USH2A: variants seen among roughly 807,000 people sequenced by gnomAD.
USH2A encodes Usher syndrome 2A (autosomal recessive, mild).
In USH2A, 443 loss-of-function variants were observed where a neutral mutation model predicts 538.9. The ratio of observed to expected loss-of-function variants is 0.82; its 90% CI spans 0.76 to 0.89. The LOEUF is 0.89. USH2A is among the 40% of genes least tolerant of loss of function. USH2A has a pLI of 0.00. For synonymous variants in USH2A, 2,413 were observed against 2,273.5 expected, an observed-to-expected ratio of 1.06 and a Z score of -1.75; for missense variants, 6,633 against 6,324.8, an observed-to-expected ratio of 1.05 and a Z score of -1.65.
At chr1:216,405,838 A>G (rs2039387339) in intron 3 of USH2A, among the ~76,000 whole-genome samples, 1 of 152,234 alleles carries the variant, frequency 6.6e-6, no homozygotes, top group Non-Finnish European at 1.5e-5. Flanking sequence ...GTGGAATGCT[A>G]TGCTGCAATA....
intron 35 of USH2A, among the ~76,000 whole-genome samples, chr1:215,989,597 G>A (rs538817895): frequency 2.0e-4 from 30 of 152,230 alleles, no homozygotes; most frequent in African/African-American, 6.7e-4. Context: ...CTCCTGAAGC[G>A]ATCTGGGTGA....
intron 35 of USH2A, among the ~76,000 whole-genome samples, chr1:215,971,915 G>C (rs554977629): frequency 6.6e-6 from 1 of 152,244 alleles, no homozygotes; most frequent in South Asian, 2.1e-4. Context: ...GATGAGGGAG[G>C]TGAGAGCACC....
At chr1:216,203,336 A>G (rs557591706) in intron 16 of USH2A, among the ~76,000 whole-genome samples, 1 of 152,132 alleles carries the variant, frequency 6.6e-6, no homozygotes, top group East Asian at 1.9e-4. Context: ...AATTTATGTT[A>G]GGCAGAGTAA....
chr1:216,224,153 TG>T (rs772750412), intron 14 of USH2A, among the ~76,000 whole-genome samples: 3 of 152,094 alleles, frequency 2.0e-5, no homozygotes, highest in Non-Finnish European at 4.4e-5. Context: ...AAGAAACTTT[TG>T]GGGGTTGTGA....
At position 216,385,198 on chromosome 1, in the gene USH2A, C is replaced by T. The variant is rs2038986249; in HGVS notation, c.652-20113G>A. Among the ~76,000 whole-genome samples, 3 of 152,048 alleles carry T rather than the reference C, an allele frequency of 2.0e-5. No homozygotes were observed. In the South Asian group the frequency reaches 6.2e-4, roughly 31 times the overall value. ...GTAAAAGAAAAAGAAGAAAGCAATC[C>T]CTACATCTCTACTTGCTCCCAGCAA... On this transcript the variant is annotated intron_variant, in intron 3 of 71. Transcript: ENST00000307340.
At chr1:216,076,995 T>C (rs1224233175) in intron 27 of USH2A, among the ~76,000 whole-genome samples, 1 of 152,170 alleles carries the variant, frequency 6.6e-6, no homozygotes, top group Non-Finnish European at 1.5e-5. Flanking sequence ...GTTGACTTTA[T>C]AACAGGCTGC....
intron 32 of USH2A, among the ~76,000 whole-genome samples, chr1:216,040,024 CTCTT>C (rs2030195453): frequency 6.7e-6 from 1 of 148,878 alleles, no homozygotes; most frequent in African/African-American, 2.5e-5. Context: ...TTTCTACCCT[CTCTT>C]TATTTTTCTG....
At chr1:215,993,235 G>C in intron 34 of USH2A, 68 bp from the exon 35 acceptor site, 2 of 1,611,488 alleles carry the variant, frequency 1.2e-6, no homozygotes, top group East Asian at 4.5e-5. Context: ...ATTGAGGAAA[G>C]AGAATTCATA....
At chr1:215,961,073 G>A (rs1356192678) in intron 37 of USH2A, among the ~76,000 whole-genome samples, 1 of 151,948 alleles carries the variant, frequency 6.6e-6, no homozygotes, top group Admixed American at 6.6e-5. Flanking sequence ...TAAGATGCCT[G>A]CATTTTAGAG....
intron 11 of USH2A, among the ~76,000 whole-genome samples, chr1:216,260,729 A>C (rs1205499757): frequency 6.6e-6 from 1 of 152,148 alleles, no homozygotes; most frequent in Non-Finnish European, 1.5e-5. Flanking sequence ...TGTCAAGAAT[A>C]ATTGAAATTA....
intron 19 of USH2A, among the ~76,000 whole-genome samples, chr1:216,191,227 T>C (rs540832696): frequency 6.6e-6 from 1 of 152,130 alleles, no homozygotes; most frequent in East Asian, 1.9e-4. Flanking sequence ...ACAAAACTAA[T>C]TTTCTTAGGG....
chr1:215,806,389 G>C (rs1314798732), intron 49 of USH2A, among the ~76,000 whole-genome samples: 2 of 152,014 alleles, frequency 1.3e-5, no homozygotes, highest in Non-Finnish European at 2.9e-5. Flanking sequence ...AAGAATGCCT[G>C]GCCTATAATT....
intron 3 of USH2A, among the ~76,000 whole-genome samples, chr1:216,394,720 C>CTTTTTTGTTTTTTTTTTTTTTTTTTTT: frequency 8.3e-6 from 1 of 120,324 alleles, no homozygotes; most frequent in Non-Finnish European, 1.7e-5. Flanking sequence ...CTGGTCCAGT[C>CTTTTTTGTTTTTTTTTTTTTTTTTTTT]TTTTTTTTTT....
chr1:216,313,214 G>A (rs2037452095), intron 9 of USH2A, among the ~76,000 whole-genome samples: 1 of 152,156 alleles, frequency 6.6e-6, no homozygotes, highest in Non-Finnish European at 1.5e-5. Flanking sequence ...CTGACAGGAG[G>A]CAGAGCTCAG....
At chr1:216,047,189 G>A (rs554674897) in intron 31 of USH2A, among the ~76,000 whole-genome samples, 12 of 151,940 alleles carry the variant, frequency 7.9e-5, no homozygotes, top group African/African-American at 1.7e-4. Flanking sequence ...GAATTACTTC[G>A]TGGATATTTA....
intron 32 of USH2A, among the ~76,000 whole-genome samples, chr1:216,043,962 A>T (rs1413136223): frequency 1.3e-5 from 2 of 151,952 alleles, no homozygotes; most frequent in African/African-American, 2.4e-5. Context: ...ATCCTCCATC[A>T]GTTCCCCTTT....
rs185413900 is a variant in USH2A at position 216,228,211 on chromosome 1, A to G, written c.2993+3742T>C. The stretch of plus-strand genomic sequence containing the variant: ...ATAGAGAAATTATAAGTGATCACAA[A>G]ATCCAGGGTGTAGCCATGGAAATGG... On this transcript the variant is annotated intron_variant, in intron 14 of 71. Transcript: ENST00000307340. Among the ~76,000 whole-genome samples the G allele has an allele frequency of 8.1e-3, 1,232 of 152,256 alleles. 7 individuals are homozygous for G. Among genetic ancestry groups the G allele is most frequent in the Non-Finnish European group, 0.01 (705 of 68,004 alleles).
intron 64 of USH2A, among the ~76,000 whole-genome samples, chr1:215,664,740 G>A (rs913709944): frequency 3.9e-5 from 6 of 152,118 alleles, no homozygotes; most frequent in African/African-American, 1.4e-4. Flanking sequence ...TGCATAGGGT[G>A]GAGCCCTCAT....
chr1:216,020,768 C>G (rs904589657), intron 32 of USH2A, among the ~76,000 whole-genome samples: 1 of 152,134 alleles, frequency 6.6e-6, no homozygotes, highest in African/African-American at 2.4e-5. Flanking sequence ...TTTGATCAAT[C>G]ATGCCTATGT....
Sources: allele counts gnomAD v4.1 joint callset (sites outside exome capture counted in the v4.1 genomes callset), GRCh38; gene constraint gnomAD v4.1.1; transcripts MANE v1.5; gene names NCBI Gene and HGNC (gene_info 2026-07-23, HGNC 2026-07-21).